Variants in LRRC28 observed in about 807,000 individuals in gnomAD.
LRRC28 encodes the protein leucine rich repeat containing 28, also known as leucine-rich repeat-containing protein 28.
A neutral mutation model predicts 45.7 loss-of-function variants in LRRC28; 39 were observed. The observed-to-expected ratio is 0.85, with a 90% CI of 0.66 to 1.12. The LOEUF (loss-of-function observed/expected upper bound fraction) is 1.12, where lower values mean the gene tolerates loss of function less well. Ranked by LOEUF, LRRC28 falls within the 50% of genes most tolerant of loss-of-function variation. The probability of loss-of-function intolerance (pLI) is 0.00; values close to 1 mark genes in which losing one functional copy is unlikely to be tolerated. For synonymous variants in LRRC28, 206 were observed against 178.8 expected (o/e 1.15, Z -1.22); for missense variants, 435 against 438.5 (o/e 0.99, Z 0.07).
chr15:99,329,976 T>C (rs780245424), intron 5 of LRRC28, among the ~76,000 whole-genome samples: 13 of 152,252 alleles, frequency 8.5e-5, no homozygotes, highest in Non-Finnish European at 1.5e-4. Flanking sequence ...AAAATATGTA[T>C]GTTTATTGCC....
intron 7 of LRRC28, 151 bp from the exon 8 acceptor site, chr15:99,361,185 C>T: frequency 1.1e-6 from 1 of 948,038 alleles, no homozygotes; most frequent in Non-Finnish European, 1.5e-6. Context: ...TATGAAGGAA[C>T]CCGGGATAGC....
chr15:99,303,115 A>G (rs1955043031), intron 5 of LRRC28, among the ~76,000 whole-genome samples: 1 of 152,238 alleles, frequency 6.6e-6, no homozygotes, highest in African/African-American at 2.4e-5. Flanking sequence ...CTAGCAGTGT[A>G]TGAGGGTTCC....
intron 9 of LRRC28, among the ~76,000 whole-genome samples, chr15:99,370,973 T>G (rs1004805936): frequency 6.6e-6 from 1 of 152,278 alleles, no homozygotes; most frequent in Admixed American, 6.5e-5. Flanking sequence ...AAAACATTAG[T>G]ATGCCAAGTG....
intron 9 of LRRC28, among the ~76,000 whole-genome samples, chr15:99,365,797 A>G (rs988432713): frequency 2.6e-5 from 4 of 152,236 alleles, no homozygotes; most frequent in African/African-American, 9.6e-5. Flanking sequence ...TAAATTTAAT[A>G]CAGAGTGAAG....
At chr15:99,352,503 A>AAAT in intron 7 of LRRC28, 32 bp downstream of exon 7, 2 of 1,522,944 alleles carry the variant, frequency 1.3e-6, no homozygotes, top group Non-Finnish European at 1.8e-6. Context: ...GAACTAAAAA[A>AAAT]TAGATTAACT....
At chr15:99,285,369 C>G (rs752032599) in intron 3 of LRRC28, 1 of 742,398 alleles carries the variant, frequency 1.3e-6, no homozygotes, top group Admixed American at 1.7e-5. Context: ...GCATTCATGG[C>G]TGCATCCACC....
intron 6 of LRRC28, among the ~76,000 whole-genome samples, chr15:99,343,311 G>C (rs1348182683): frequency 1.3e-5 from 2 of 152,160 alleles, no homozygotes; most frequent in Non-Finnish European, 2.9e-5. Flanking sequence ...ATCCTGTTCT[G>C]TCCTCTCCTG....
Position 99,274,461 on chromosome 15 carries a change from T to C in LRRC28, c.169-2115T>C, listed in dbSNP as rs141461962. Among the ~76,000 whole-genome samples the C allele has an allele frequency of 9.2e-3, 1,405 of 152,326 alleles. 24 individuals carry two copies. Among genetic ancestry groups the C allele is most frequent in the African/African-American group, 0.032 (1,326 of 41,568 alleles). ...TAAAATCTCACATCTTCATACCTAA[T>C]GGCCCAGACATACCAAACTAATGTC... On this transcript the variant is annotated intron_variant, in intron 2 of 9. Transcript: ENST00000301981.
At chr15:99,271,490 G>A (rs12904520) in intron 2 of LRRC28, among the ~76,000 whole-genome samples, 8,379 of 152,160 alleles carry the variant, frequency 0.055, 291 homozygotes, top group Admixed American at 0.11. Context: ...TGTTGGCCAG[G>A]ATGGTCTCCA....
intron 5 of LRRC28, among the ~76,000 whole-genome samples, chr15:99,311,508 G>T (rs1955409062): frequency 6.6e-6 from 1 of 151,980 alleles, no homozygotes; most frequent in African/African-American, 2.4e-5. Context: ...TAATTCTGTT[G>T]TGGTCAGGCT....
At chr15:99,354,190 C>T (rs1035543249) in intron 7 of LRRC28, among the ~76,000 whole-genome samples, 3 of 152,148 alleles carry the variant, frequency 2.0e-5, no homozygotes, top group African/African-American at 7.2e-5. Flanking sequence ...GAAATGCTTT[C>T]TTCATAGAAA....
In LRRC28 at chr15:99,387,219, C is replaced by A. The variant is rs1400343772; in HGVS notation, c.*1117C>A. 1 of 147,164 alleles carries A rather than the reference C, an allele frequency of 6.8e-6. No individual in the cohort carries two copies. Among genetic ancestry groups the A allele is most frequent in the African/African-American group, 2.5e-5 (1 of 39,766 alleles). The allele number at this position is 147,164 out of a possible 1,614,324, so 9.1% of individuals were successfully genotyped here. A position where few individuals can be genotyped will look rare whatever the true frequency, so the allele number is the denominator to read the frequency against. Reference sequence around the variant, plus strand: ...GGGACCACAGGCGCCCGCCACCACGCCCGGCTAATTTTTTGTATTTTTAGT... The same window carrying A: ...GGGACCACAGGCGCCCGCCACCACGACCGGCTAATTTTTTGTATTTTTAGT... On this transcript the variant is annotated 3_prime_UTR_variant, in exon 10 of 10. Transcript: ENST00000301981.
At chr15:99,356,012 A>C (rs1957038447) in intron 7 of LRRC28, among the ~76,000 whole-genome samples, 1 of 152,248 alleles carries the variant, frequency 6.6e-6, no homozygotes. Flanking sequence ...CTGCAGATGA[A>C]AGTACTCAAG....
chr15:99,265,793 G>A (rs141616293), intron 2 of LRRC28, among the ~76,000 whole-genome samples: 239 of 152,216 alleles, frequency 1.6e-3, no homozygotes, highest in African/African-American at 5.5e-3. Context: ...TTGGACCTCA[G>A]TTCCTTTATT....
chr15:99,372,241 C>A (rs1483333133), intron 9 of LRRC28, among the ~76,000 whole-genome samples: 1 of 152,088 alleles, frequency 6.6e-6, no homozygotes, highest in Admixed American at 6.5e-5. Flanking sequence ...CATTGTGATT[C>A]GTTCTTTTAA....
intron 5 of LRRC28, among the ~76,000 whole-genome samples, chr15:99,292,574 C>T (rs990381380): frequency 3.9e-5 from 6 of 151,938 alleles, no homozygotes; most frequent in Admixed American, 3.9e-4. Flanking sequence ...CCTTGTTAGC[C>T]AGGATGGTCT....
intron 9 of LRRC28, among the ~76,000 whole-genome samples, chr15:99,384,067 T>A (rs1001474760): frequency 6.6e-6 from 1 of 152,210 alleles, no homozygotes; most frequent in African/African-American, 2.4e-5. Flanking sequence ...ATCCTGCAAC[T>A]CCATCAGCGT....
chr15:99,335,377 A>G (rs955956110), intron 6 of LRRC28, among the ~76,000 whole-genome samples: 10 of 152,180 alleles, frequency 6.6e-5, no homozygotes, highest in African/African-American at 2.4e-4. Context: ...TGCTTCCTTT[A>G]TAGTTATTTT....
chr15:99,382,214 T>C (rs1957850131), intron 9 of LRRC28, among the ~76,000 whole-genome samples: 1 of 152,244 alleles, frequency 6.6e-6, no homozygotes, highest in Non-Finnish European at 1.5e-5. Flanking sequence ...GTTTACCTAC[T>C]CAAGCCTCAG....
Sources: gnomAD v4.1 joint callset for allele counts (sites outside exome capture counted in the v4.1 genomes callset) on GRCh38, gnomAD v4.1.1 for gene constraint, MANE v1.5 for transcripts, NCBI Gene and HGNC (gene_info 2026-07-23, HGNC 2026-07-21) for gene names.